SEMA3G: variants seen among roughly 807,000 people sequenced by gnomAD.
SEMA3G encodes semaphorin-3G.
A neutral mutation model predicts 86.2 loss-of-function variants in SEMA3G; 70 were observed. The observed-to-expected ratio is 0.81, with a 90% CI of 0.67 to 0.99. SEMA3G has a LOEUF of 0.99. Ranked by LOEUF, SEMA3G falls within the 50% of genes least tolerant of loss-of-function variation. SEMA3G has a pLI of 0.00. For synonymous variants in SEMA3G, 416 were observed against 441.4 expected (o/e 0.94, Z 0.72); for missense variants, 1,002 against 1,072.4 (o/e 0.93, Z 0.92).
chr3:52,436,609 C>T (rs1007600488), intron 15 of SEMA3G, among the ~76,000 whole-genome samples: 1 of 152,246 alleles, frequency 6.6e-6, no homozygotes, highest in Non-Finnish European at 1.5e-5. Flanking sequence ...CGTTCATTCC[C>T]CCAACGGTGC....
chr3:52,437,956 C>T lies in SEMA3G; in HGVS notation c.1738+15G>A. On this transcript the variant is annotated intron_variant, in intron 14 of 15. Transcript: ENST00000231721. ...TTCCAGCCCAGTCTGGGCCCTCCCA[C>T]CTGCCACCACTCACCTTCCTGGCTC... 1 of 1,608,312 alleles carries T rather than the reference C, an allele frequency of 6.2e-7. No individual in the cohort carries two copies. The highest frequency in any genetic ancestry group is 8.5e-7 in the Non-Finnish European group (1 of 1,177,536).
At chr3:52,440,687 C>A in intron 9 of SEMA3G, 67 bp downstream of exon 9, 1 of 1,518,212 alleles carries the variant, frequency 6.6e-7, no homozygotes, top group South Asian at 1.2e-5. Flanking sequence ...AGAGTACAGT[C>A]ACAGGTCACC....
Position 52,433,125 on chromosome 3 carries a change from T to C in SEMA3G, c.*2478A>G, listed in dbSNP as rs895470632. On this transcript the variant is annotated 3_prime_UTR_variant, in exon 16 of 16. Transcript: ENST00000231721. ...CCCTCTAACTCCTTCCTTCCCCTGATACCCATCTTCCTCCTTTCTAGAAAG... is the reference window on the plus strand; with the variant it reads ...CCCTCTAACTCCTTCCTTCCCCTGACACCCATCTTCCTCCTTTCTAGAAAG... 3 of 152,162 alleles carry C rather than the reference T, an allele frequency of 2.0e-5. No individual in the cohort carries two copies. Among genetic ancestry groups the C allele is most frequent in the Non-Finnish European group, 4.4e-5 (3 of 68,026 alleles). 9.4% of individuals were successfully genotyped at this position (152,162 alleles called of 1,614,324 possible). A position where few individuals can be genotyped will look rare whatever the true frequency, so the allele number is the denominator to read the frequency against.
Position 52,435,537 on chromosome 3 carries a change from T to C in SEMA3G, c.*66A>G. On this transcript the variant is annotated 3_prime_UTR_variant, in exon 16 of 16. Transcript: ENST00000231721. Reference sequence around the variant, plus strand: ...GACCCCTCTGCCCTAGCTGGGTGGGTGGGAGATGCTGGGGGCTGCTAGTGG... The same window carrying C: ...GACCCCTCTGCCCTAGCTGGGTGGGCGGGAGATGCTGGGGGCTGCTAGTGG... 1 of 1,475,736 alleles carries C rather than the reference T, an allele frequency of 6.8e-7. No homozygotes were observed. Among genetic ancestry groups the C allele is most frequent in the Non-Finnish European group, 9.2e-7 (1 of 1,084,060 alleles). 91.4% of individuals were successfully genotyped at this position (1,475,736 alleles called of 1,614,324 possible).
intron 5 of SEMA3G, 38 bp from the exon 6 acceptor site, chr3:52,441,728 G>T: frequency 6.3e-7 from 1 of 1,593,158 alleles, no homozygotes; most frequent in Non-Finnish European, 8.6e-7. Flanking sequence ...AGGGGAGGAG[G>T]CCCAGGCCCA....
intron 13 of SEMA3G, 164 bp downstream of exon 13, chr3:52,438,756 A>AG: frequency 1.0e-6 from 1 of 985,466 alleles, no homozygotes; most frequent in African/African-American, 1.7e-5. Context: ...CGGTGCCTCC[A>AG]GTGCCCACTG....
chr3:52,440,282 G>A (rs746587794), intron 10 of SEMA3G, 95 bp downstream of exon 10: 42 of 1,028,104 alleles, frequency 4.1e-5, no homozygotes, highest in South Asian at 2.2e-4. Flanking sequence ...GTCCGCTGCC[G>A]TGGGGGTGCA....
At position 52,442,305 on chromosome 3, in the gene SEMA3G, C is replaced by A. The variant is rs1253288309; in HGVS notation, c.340-1G>T. ...CCCGCACGAAGTTGGCGCACTCTGT[C>A]TGCGGGGAGAAGGAGGGGGTGGTTG... On this transcript the variant is annotated splice_acceptor_variant, in intron 3 of 15. Transcript: ENST00000231721. LOFTEE classifies it high-confidence loss of function. The surrounding 1 kb of genome is among the most constrained non-coding windows in gnomAD (Gnocchi z 6.1). 2 of 1,612,248 alleles carry A rather than the reference C, an allele frequency of 1.2e-6. No individual in the cohort carries two copies.
intron 4 of SEMA3G, 54 bp from the exon 5 acceptor site, chr3:52,441,963 C>A: frequency 7.1e-7 from 1 of 1,413,044 alleles, no homozygotes; most frequent in South Asian, 1.2e-5. Flanking sequence ...GAAGCACCAG[C>A]AGCCCACACC....
Position 52,442,877 on chromosome 3 carries a change from A to G in SEMA3G, c.146T>C (p.Phe49Ser). 1 of 1,606,786 alleles carries G rather than the reference A, an allele frequency of 6.2e-7. No individual in the cohort carries two copies. The highest frequency in any genetic ancestry group is 8.5e-7 in the Non-Finnish European group (1 of 1,176,644). Reference protein sequence around the residue: ...DLLSANRSAIFLGPQGSLNLQ... With the variant: ...DLLSANRSAISLGPQGSLNLQ... The stretch of plus-strand genomic sequence containing the variant: ...GTTCAGGGAGCCCTGGGGGCCCAGA[A>G]AGATGGCAGAGCGGTTGGCAGACAG... Residue 49 changes from phenylalanine (F) to serine (S), a missense_variant, in exon 2 of 16, where the codon TTT becomes TCT. Coordinates refer to ENST00000231721, the MANE Select transcript of SEMA3G (RefSeq NM_020163.3). The surrounding 1 kb of genome is among the most constrained non-coding windows in gnomAD (Gnocchi z 6.1).
chr3:52,444,245 C>T (rs536165535), intron 1 of SEMA3G, among the ~76,000 whole-genome samples: 1 of 152,304 alleles, frequency 6.6e-6, no homozygotes, highest in African/African-American at 2.4e-5. Flanking sequence ...GTCCCTTCCT[C>T]TGTCTCCTCC....
chr3:52,438,931 A>C lies in SEMA3G; in HGVS notation c.1498T>G (p.Ser500Ala), dbSNP rs75842723. ...GCAGCTGTTCTTACCCTTTTGACAG[A>C]GATCTCCATTTCGGTGATAGGTGTT... is the stretch of plus-strand genomic sequence containing the variant. ...VPTPITEMEI[S>A]VKRQMLYVGS... Residue 500 changes from serine (S) to alanine (A), a missense_variant, in exon 13 of 16, where the codon TCT becomes GCT. Coordinates refer to ENST00000231721, the MANE Select transcript of SEMA3G (RefSeq NM_020163.3). The C allele has an allele frequency of 8.8e-5, 142 of 1,613,556 alleles. 1 individual carries two copies. The East Asian group carries it at 3.1e-3, about 36-fold the overall frequency.
intron 1 of SEMA3G, among the ~76,000 whole-genome samples, chr3:52,443,680 C>T (rs1471111808): frequency 3.3e-5 from 5 of 152,220 alleles, no homozygotes; most frequent in African/African-American, 4.8e-5. Context: ...CCCCAAAACT[C>T]ATCAACGGTC....
intron 12 of SEMA3G, among the ~76,000 whole-genome samples, 194 bp from the exon 13 acceptor site, chr3:52,439,155 G>A (rs969459159): frequency 1.3e-5 from 2 of 152,156 alleles, no homozygotes; most frequent in African/African-American, 2.4e-5. Context: ...GTCATGGCTG[G>A]CCTCCAAGCA....
chr3:52,442,024 T>C lies in SEMA3G; in HGVS notation c.460-115A>G. On this transcript the variant is annotated intron_variant, in intron 4 of 15. Coordinates refer to ENST00000231721, the MANE Select transcript of SEMA3G (RefSeq NM_020163.3). The surrounding 1 kb of genome is among the most constrained non-coding windows in gnomAD (Gnocchi z 6.1). ...AGAGAGCGGGGGTGGGCGGAAGGCG[T>C]CCTCATCCAGGGCCCCTCTAATGGG... The C allele has an allele frequency of 1.5e-6, 2 of 1,311,044 alleles. No individual in the cohort carries two copies. The highest frequency in any genetic ancestry group is 2.1e-6 in the Non-Finnish European group (2 of 953,256). The allele number at this position is 1,311,044 out of a possible 1,614,324, so 81.2% of individuals were successfully genotyped here.
Position 52,440,758 on chromosome 3 carries a change from C to CA in SEMA3G, c.993_994insT (p.Val332CysfsTer72), listed in dbSNP as rs1471418331. ...CGGGGTGCTGGGTGTGCCCACCTGA[C>CA]GGTGCTGAACAGCGCGTACACCTCG... On this transcript the variant is annotated frameshift_variant, in exon 9 of 16. Transcript: ENST00000231721. LOFTEE classifies it high-confidence loss of function. 43 of 1,611,852 alleles carry CA rather than the reference C, an allele frequency of 2.7e-5. No individual in the cohort carries two copies. The highest frequency in any genetic ancestry group is 3.5e-5 in the Non-Finnish European group (41 of 1,179,246).
At position 52,445,045 on chromosome 3, in the gene SEMA3G, A is replaced by ACCGCTG; in HGVS notation, c.-24_-19dup. ...GGGGCCATGCTGGGGAACTGAGGGC[A>ACCGCTG]CCGCTGCCGCCTGCCTGCAGAGCCG... is the stretch of plus-strand genomic sequence containing the variant. On this transcript the variant is annotated 5_prime_UTR_variant, in exon 1 of 16. Transcript: ENST00000231721. 1 of 1,264,046 alleles carries ACCGCTG rather than the reference A, an allele frequency of 7.9e-7. No homozygotes were observed. Among genetic ancestry groups the ACCGCTG allele is most frequent in the Non-Finnish European group, 1.0e-6 (1 of 999,056 alleles). 78.3% of individuals were successfully genotyped at this position (1,264,046 alleles called of 1,614,324 possible).
Position 52,438,060 on chromosome 3 carries a change from T to A in SEMA3G, c.1649A>T (p.Tyr550Phe). 6.2e-7 allele frequency: 1 copy of A among 1,613,058 alleles called. No homozygotes were observed. Among genetic ancestry groups the A allele is most frequent in the Non-Finnish European group, 8.5e-7 (1 of 1,179,988 alleles). ...CAWDGASCTHYRPSLGKRRFR... is the reference protein window; with the variant it reads ...CAWDGASCTHFRPSLGKRRFR... ...CCGGCGCTTGCCAAGGCTGGGGCGG[T>A]AGTGGGTACAGGAGGCACCATCCCA... The change falls in exon 14 of 16, where the codon TAC (tyrosine) becomes TTC (phenylalanine). Residue 550 changes from tyrosine (Y) to phenylalanine (F), a missense_variant. Physicochemically the swap from Tyr to Phe is conservative, Grantham distance 22. Transcript: ENST00000231721.
At position 52,435,791 on chromosome 3, in the gene SEMA3G, G is replaced by A. The variant is rs138427289; in HGVS notation, c.2161C>T (p.Arg721Trp). 3.1e-4 allele frequency: 502 copies of A among 1,614,108 alleles called. No homozygotes were observed. Among genetic ancestry groups the A allele is most frequent in the Non-Finnish European group, 3.8e-4 (450 of 1,180,012 alleles). ...ACGCGCTCACAGTACTCATCCACCC[G>A]GGGCAGGTTGGCGAAGCCAATGAGC... is the stretch of plus-strand genomic sequence containing the variant. The part of the protein sequence containing the change: ...LQLIGFANLP[R>W]VDEYCERVWC... Residue 721 changes from arginine to tryptophan, a missense_variant, in exon 16 of 16, where the codon CGG becomes TGG. Arg to Trp is a moderately radical substitution (Grantham distance 101). Coordinates refer to ENST00000231721, the MANE Select transcript of SEMA3G (RefSeq NM_020163.3).
Sources: allele counts gnomAD v4.1 joint callset (sites outside exome capture counted in the v4.1 genomes callset), GRCh38; gene constraint gnomAD v4.1.1; non-coding constraint Gnocchi (gnomAD v3.1); transcripts MANE v1.5; gene names NCBI Gene and HGNC (gene_info 2026-07-23, HGNC 2026-07-21).